NPTN: variants seen among roughly 807,000 people sequenced by gnomAD.
NPTN encodes neuroplastin.
NPTN carries 5 observed loss-of-function variants against 42.7 expected under a neutral mutation model. The observed-to-expected ratio is 0.12, with a 90% CI of 0.06 to 0.25. NPTN has a LOEUF of 0.25. NPTN is among the 10% of genes least tolerant of loss of function. The probability of loss-of-function intolerance (pLI) is 1.00; values close to 1 mark genes in which losing one functional copy is unlikely to be tolerated. For synonymous variants in NPTN, 180 were observed against 201.9 expected (o/e 0.89, Z 0.92); for missense variants, 307 against 525.4 (o/e 0.58, Z 4.06).
chr15:73,629,812 T>C (rs571809037), intron 1 of NPTN, among the ~76,000 whole-genome samples: 1 of 151,644 alleles, frequency 6.6e-6, no homozygotes, highest in African/African-American at 2.4e-5. Context: ...AAGTGATACC[T>C]GGCCCACTTG....
chr15:73,620,194 C>A (rs1305101770), intron 1 of NPTN, among the ~76,000 whole-genome samples: 1 of 152,208 alleles, frequency 6.6e-6, no homozygotes, highest in African/African-American at 2.4e-5. Context: ...GCAAATGGTA[C>A]TTGTTTAGCT....
chr15:73,585,253 C>T (rs1896261060), intron 4 of NPTN, among the ~76,000 whole-genome samples: 1 of 152,174 alleles, frequency 6.6e-6, no homozygotes, highest in East Asian at 1.9e-4. Context: ...GTTCTCGGAA[C>T]CTCTCTGTTC....
intron 1 of NPTN, among the ~76,000 whole-genome samples, chr15:73,603,428 G>A (rs1029790781): frequency 1.3e-5 from 2 of 152,170 alleles, no homozygotes; most frequent in African/African-American, 4.8e-5. Context: ...CAAATAAAAT[G>A]AGAACCAGAA....
chr15:73,595,828 C>T (rs1047807311), intron 2 of NPTN, among the ~76,000 whole-genome samples: 3 of 152,140 alleles, frequency 2.0e-5, no homozygotes, highest in Non-Finnish European at 4.4e-5. Context: ...CTCTGCTTCT[C>T]AACATAAGGT....
intron 1 of NPTN, among the ~76,000 whole-genome samples, chr15:73,629,915 G>C (rs1028407131): frequency 1.3e-5 from 2 of 151,818 alleles, no homozygotes; most frequent in African/African-American, 4.8e-5. Flanking sequence ...CACCAGAATT[G>C]GCAATTGCAG....
In NPTN at chr15:73,597,206, G is replaced by A. The variant is rs1896872774; in HGVS notation, c.255C>T (p.Arg85=). ...CGTAGGCGGTGTTTACGGTGACACG[G>A]CGCTTCCGAGCACCGTCCCACAGCT... The part of the protein sequence containing the change: ...FRQLWDGARK[R]RVTVNTAYGS... The change falls in exon 2 of 9, where the codon CGC becomes CGT. Residue 85 remains arginine, a synonymous_variant. Coordinates refer to ENST00000345330, the MANE Select transcript of NPTN (RefSeq NM_012428.4). The surrounding 1 kb of genome is among the most constrained non-coding windows in gnomAD (Gnocchi z 6.3). 6.2e-7 allele frequency: 1 copy of A among 1,614,036 alleles called. No homozygotes were observed. Among genetic ancestry groups the A allele is most frequent in the Non-Finnish European group, 8.5e-7 (1 of 1,180,026 alleles).
Position 73,611,320 on chromosome 15 carries a change from T to C in NPTN, c.92-13951A>G, listed in dbSNP as rs576384222. Among the ~76,000 whole-genome samples the C allele has an allele frequency of 1.3e-4, 20 of 152,264 alleles. No homozygotes were observed. In the South Asian group the frequency reaches 4.1e-3, roughly 32 times the overall value. On this transcript the variant is annotated intron_variant, in intron 1 of 8. Transcript: ENST00000345330. ...CCACTTGTGGAATTTAGTATGCCAA[T>C]CTCGAAACAGACTATCAAGAACATT...
chr15:73,605,942 A>C (rs949954811), intron 1 of NPTN, among the ~76,000 whole-genome samples: 1 of 152,050 alleles, frequency 6.6e-6, no homozygotes, highest in Non-Finnish European at 1.5e-5. Context: ...CACGCCTGTA[A>C]TACCACCTAC....
At chr15:73,621,146 T>C (rs1023713586) in intron 1 of NPTN, among the ~76,000 whole-genome samples, 1 of 152,044 alleles carries the variant, frequency 6.6e-6, no homozygotes, top group Non-Finnish European at 1.5e-5. Flanking sequence ...GAGGAGAGAA[T>C]GGGGATGAAA....
At chr15:73,610,175 C>T (rs1378385162) in intron 1 of NPTN, among the ~76,000 whole-genome samples, 2 of 152,056 alleles carry the variant, frequency 1.3e-5, no homozygotes, top group Non-Finnish European at 2.9e-5. Flanking sequence ...TAACCTCGAA[C>T]TCCTTGGTTC....
At chr15:73,573,841 A>G in intron 4 of NPTN, 46 bp from the exon 5 acceptor site, 1 of 1,598,278 alleles carries the variant, frequency 6.3e-7, no homozygotes, top group Non-Finnish European at 8.5e-7. Flanking sequence ...TCTACTCCAA[A>G]CAGGATACAA....
In NPTN at chr15:73,597,501, C is replaced by A. The variant is rs1398984987; in HGVS notation, c.92-132G>T. 8 of 689,344 alleles carry A rather than the reference C, an allele frequency of 1.2e-5. No individual in the cohort carries two copies. The highest frequency in any genetic ancestry group is 1.9e-5 in the Non-Finnish European group (8 of 415,200). The allele number at this position is 689,344 out of a possible 1,614,324, so 42.7% of individuals were successfully genotyped here. ...GAGTTGCAAAGAACAAAAAAGGATT[C>A]ATTTTTAAACTATAAAGAGACAGTA... On this transcript the variant is annotated intron_variant, in intron 1 of 8. Coordinates refer to ENST00000345330, the MANE Select transcript of NPTN (RefSeq NM_012428.4). This position sits in a 1 kb window ranked among gnomAD's most constrained non-coding sequence, Gnocchi z 6.3.
chr15:73,594,649 AAG>A (rs1461384974), intron 2 of NPTN, among the ~76,000 whole-genome samples: 1 of 152,168 alleles, frequency 6.6e-6, no homozygotes, highest in Admixed American at 6.5e-5. Flanking sequence ...CCCAAAGTCC[AAG>A]AGAGATGAAC....
rs143210480 is a variant in NPTN at position 73,595,739 on chromosome 15, C to T, written c.439+1283G>A. The stretch of plus-strand genomic sequence containing the variant: ...GGATCTTTCCAAAAGTGAATGTCCC[C>T]TCAATTATAACCAGGTTTGATGTGG... On this transcript the variant is annotated intron_variant, in intron 2 of 8. Coordinates refer to ENST00000345330, the MANE Select transcript of NPTN (RefSeq NM_012428.4). Among the ~76,000 whole-genome samples the T allele has an allele frequency of 5.3e-4, 81 of 152,284 alleles. 1 individual carries two copies. Among genetic ancestry groups the T allele is most frequent in the African/African-American group, 1.9e-3 (79 of 41,566 alleles).
chr15:73,571,441 A>C (rs1895377355), intron 5 of NPTN, among the ~76,000 whole-genome samples: 1 of 152,226 alleles, frequency 6.6e-6, no homozygotes, highest in Non-Finnish European at 1.5e-5. Flanking sequence ...GACTGATTTC[A>C]GGAATGTGTT....
At chr15:73,611,730 A>C (rs1897590410) in intron 1 of NPTN, among the ~76,000 whole-genome samples, 2 of 152,192 alleles carry the variant, frequency 1.3e-5, no homozygotes, top group African/African-American at 2.4e-5. Flanking sequence ...AATGAACCCT[A>C]AACTCAAAGT....
At chr15:73,619,398 A>G (rs1445295270) in intron 1 of NPTN, among the ~76,000 whole-genome samples, 1 of 152,238 alleles carries the variant, frequency 6.6e-6, no homozygotes, top group African/African-American at 2.4e-5. Context: ...AATATATCAT[A>G]GTTTCCTAGT....
At chr15:73,579,197 C>A (rs1369193944) in intron 4 of NPTN, among the ~76,000 whole-genome samples, 1 of 146,340 alleles carries the variant, frequency 6.8e-6, no homozygotes, top group Non-Finnish European at 1.5e-5. Context: ...GAGAATGGCA[C>A]GAACCCAAGA....
At chr15:73,624,571 G>C (rs946232260) in intron 1 of NPTN, among the ~76,000 whole-genome samples, 4 of 152,118 alleles carry the variant, frequency 2.6e-5, no homozygotes, top group South Asian at 4.1e-4. Flanking sequence ...AGGACATCTT[G>C]TTGCCTTTTT....
Sources: allele counts gnomAD v4.1 joint callset (sites outside exome capture counted in the v4.1 genomes callset), GRCh38; gene constraint gnomAD v4.1.1; non-coding constraint Gnocchi (gnomAD v3.1); transcripts MANE v1.5; gene names NCBI Gene and HGNC (gene_info 2026-07-23, HGNC 2026-07-21).